LARP1: variants seen among roughly 807,000 people sequenced by gnomAD.
The protein encoded by LARP1 is La ribonucleoprotein 1, translational regulator.
LARP1 carries 36 observed loss-of-function variants against 122.7 expected under a neutral mutation model. The observed-to-expected ratio is 0.29, with a 90% CI of 0.22 to 0.39. LARP1 has a LOEUF of 0.39. Among genes scored for constraint, LARP1 ranks in the 10% least tolerant of loss-of-function variants. LARP1 has a pLI of 1.00. For missense variants in LARP1, 1,040 were observed against 1,403.6 expected (o/e 0.74, Z 4.14); for synonymous variants, 539 against 528.7 (o/e 1.02, Z -0.27).
At chr5:154,762,942 T>C (rs1352201824) in intron 1 of LARP1, among the ~76,000 whole-genome samples, 2 of 152,166 alleles carry the variant, frequency 1.3e-5, no homozygotes, top group Non-Finnish European at 2.9e-5. Flanking sequence ...TAAACTAATT[T>C]ATTTAGGCTC....
At position 154,755,700 on chromosome 5, in the gene LARP1, C is replaced by A. The variant is rs1753804976; in HGVS notation, c.-58C>A. On this transcript the variant is annotated 5_prime_UTR_variant, in exon 1 of 19. Transcript: ENST00000518297. ...TCGCGGGCGCTCTGCTAGCCAAGTT[C>A]GAGGCGGGGGAGGCAGCCTCGGGCG... The A allele has an allele frequency of 4.0e-6, 4 of 987,780 alleles. No individual in the cohort carries two copies. In the East Asian group the frequency reaches 3.4e-4, roughly 85 times the overall value. 61.2% of individuals were successfully genotyped at this position (987,780 alleles called of 1,614,324 possible).
Position 154,756,081 on chromosome 5 carries a change from C to A in LARP1, c.324C>A (p.Ala108=), listed in dbSNP as rs1327244059. ...EPGAGGGAAG[A]AGAGRRDFVE... Reference sequence around the variant, plus strand: ...GCGCTGGCGGAGGAGCTGCCGGAGCCGCGGGCGCGGGGCGCCGGGACTTCG... The same window carrying A: ...GCGCTGGCGGAGGAGCTGCCGGAGCAGCGGGCGCGGGGCGCCGGGACTTCG... The change falls in exon 1 of 19, where the codon GCC becomes GCA. Residue 108 remains alanine (A), a synonymous_variant. Transcript: ENST00000518297. 5.2e-6 allele frequency: 6 copies of A among 1,158,132 alleles called. No homozygotes were observed. Among genetic ancestry groups the A allele is most frequent in the Middle Eastern group, 6.3e-4 (2 of 3,168 alleles). The allele number at this position is 1,158,132 out of a possible 1,614,324, so 71.7% of individuals were successfully genotyped here.
chr5:154,714,309 A>G (rs889284596), intron 1 of LARP1, among the ~76,000 whole-genome samples: 1 of 152,262 alleles, frequency 6.6e-6, no homozygotes, highest in African/African-American at 2.4e-5. Context: ...ATGTGATAAA[A>G]GAATTACTGA....
chr5:154,717,834 G>A (rs969238793), intron 1 of LARP1, among the ~76,000 whole-genome samples: 2 of 152,248 alleles, frequency 1.3e-5, no homozygotes, highest in East Asian at 3.9e-4. Context: ...GAGAAAATGT[G>A]TAGCCCAGGT....
chr5:154,720,796 C>T (rs1755816115), intron 1 of LARP1, among the ~76,000 whole-genome samples: 2 of 152,088 alleles, frequency 1.3e-5, no homozygotes, highest in African/African-American at 4.8e-5. Flanking sequence ...AGGCTGAGAA[C>T]CTTTGTTTTG....
chr5:154,750,432 G>A (rs529409926), upstream of LARP1, among the ~76,000 whole-genome samples: 2 of 152,228 alleles, frequency 1.3e-5, no homozygotes, highest in South Asian at 4.1e-4. Flanking sequence ...ACCATGCCCG[G>A]ATAATGCTTT....
In LARP1 at chr5:154,813,942, G is replaced by A; in HGVS notation, c.3137G>A (p.Gly1046Asp). The A allele has an allele frequency of 6.2e-7, 1 of 1,614,094 alleles. No individual in the cohort carries two copies. Among genetic ancestry groups the A allele is most frequent in the Non-Finnish European group, 8.5e-7 (1 of 1,179,982 alleles). ...CGACACTCAGTGGTAGCAGGAGGTGGCGGCGGTGAGGGCAGGAAGCGGTGC... is the reference window on the plus strand; with the variant it reads ...CGACACTCAGTGGTAGCAGGAGGTGACGGCGGTGAGGGCAGGAAGCGGTGC... Reference protein sequence around the residue: ...HKRHSVVAGGGGGEGRKRCPS... With the variant: ...HKRHSVVAGGDGGEGRKRCPS... Residue 1046 changes from glycine to aspartate, a missense_variant, in exon 19 of 19, where the codon GGC becomes GAC. This residue lies in a region of LARP1 where 129 missense variants were observed against 160.8 expected (regional missense o/e 0.80). Transcript: ENST00000518297.
At chr5:154,800,125 C>T in intron 10 of LARP1, 83 bp downstream of exon 10, 1 of 1,294,572 alleles carries the variant, frequency 7.7e-7, no homozygotes, top group Non-Finnish European at 1.1e-6. Flanking sequence ...GCACAGCACT[C>T]TAGCTCTGAG....
intron 1 of LARP1, among the ~76,000 whole-genome samples, chr5:154,744,993 C>G (rs1424667210): frequency 1.3e-5 from 2 of 150,924 alleles, no homozygotes; most frequent in Non-Finnish European, 2.9e-5. Flanking sequence ...GTGGCACCAT[C>G]TCTGCTCACT....
At chr5:154,759,541 C>T (rs1000404557) in intron 1 of LARP1, among the ~76,000 whole-genome samples, 1 of 152,082 alleles carries the variant, frequency 6.6e-6, no homozygotes, top group Non-Finnish European at 1.5e-5. Context: ...TTTTAGTTTG[C>T]CTTTTGTAAA....
At chr5:154,725,593 C>T (rs1756159841) in intron 1 of LARP1, among the ~76,000 whole-genome samples, 1 of 151,832 alleles carries the variant, frequency 6.6e-6, no homozygotes, top group East Asian at 1.9e-4. Flanking sequence ...TGTGTGTGTG[C>T]ATTTGTGTAT....
intron 1 of LARP1, among the ~76,000 whole-genome samples, chr5:154,685,217 C>G (rs1324296999): frequency 6.6e-6 from 1 of 151,234 alleles, no homozygotes; most frequent in East Asian, 2.0e-4. Flanking sequence ...GCACTCCAGC[C>G]TGGGTGACAG....
At chr5:154,798,272 A>G (rs1422945477) in intron 8 of LARP1, among the ~76,000 whole-genome samples, 1 of 152,190 alleles carries the variant, frequency 6.6e-6, no homozygotes, top group Non-Finnish European at 1.5e-5. Context: ...CTTACAGGCA[A>G]ACTTTTTAGA....
At chr5:154,735,962 C>G (rs2113430690) in intron 1 of LARP1, among the ~76,000 whole-genome samples, 1 of 152,228 alleles carries the variant, frequency 6.6e-6, no homozygotes, top group African/African-American at 2.4e-5. Context: ...TCTGTCTACC[C>G]AGGCAAGAGT....
intron 1 of LARP1, among the ~76,000 whole-genome samples, chr5:154,764,170 G>A (rs139223800): frequency 0.01 from 1,527 of 152,046 alleles, 25 homozygotes; most frequent in African/African-American, 0.034. Context: ...TTAGCTGGGC[G>A]TGGTGGCATG....
upstream of LARP1, among the ~76,000 whole-genome samples, chr5:154,709,947 C>T (rs981376157): frequency 6.6e-5 from 10 of 152,138 alleles, no homozygotes; most frequent in Non-Finnish European, 7.3e-5. Context: ...CAATTCTACC[C>T]CAGATCATCA....
At chr5:154,779,207 T>TC (rs1395759588) in intron 1 of LARP1, among the ~76,000 whole-genome samples, 2 of 152,332 alleles carry the variant, frequency 1.3e-5, no homozygotes, top group East Asian at 3.9e-4. Context: ...CCTGGGATCA[T>TC]CTCGGTAAGC....
chr5:154,782,952 TCCACC>T (rs910288329), intron 1 of LARP1, among the ~76,000 whole-genome samples: 2 of 152,088 alleles, frequency 1.3e-5, no homozygotes, highest in African/African-American at 4.8e-5. Flanking sequence ...CCTCTATGAC[TCCACC>T]CCATCCCCAG....
At chr5:154,797,259 GT>G (rs1757959763) in intron 8 of LARP1, among the ~76,000 whole-genome samples, 1 of 88,540 alleles carries the variant, frequency 1.1e-5, no homozygotes, top group Non-Finnish European at 2.0e-5. Flanking sequence ...TTGAGACAGA[GT>G]TTCACTCTTG....
Sources: allele counts gnomAD v4.1 joint callset (sites outside exome capture counted in the v4.1 genomes callset), GRCh38; gene constraint gnomAD v4.1.1; regional missense constraint gnomAD v4.1.1; transcripts MANE v1.5; gene names NCBI Gene and HGNC (gene_info 2026-07-23, HGNC 2026-07-21).